Variants in ZNF383 observed in about 807,000 individuals in gnomAD.
The protein encoded by ZNF383 is zinc finger protein 383.
Under a neutral mutation model 44.2 loss-of-function variants are expected in ZNF383, and 32 were observed. The observed-to-expected ratio is 0.72, with a 90% CI of 0.55 to 0.97. ZNF383 has a LOEUF of 0.97. Ranked by LOEUF, ZNF383 falls within the 50% of genes least tolerant of loss-of-function variation. The probability of loss-of-function intolerance (pLI) is 0.00; values close to 1 mark genes in which losing one functional copy is unlikely to be tolerated. For synonymous variants in ZNF383, 155 were observed against 186.2 expected (o/e 0.83, Z 1.36); for missense variants, 487 against 562.5 (o/e 0.87, Z 1.36).
At position 37,220,559 on chromosome 19, in the gene ZNF383, G is replaced by GT. The variant is rs201474411; in HGVS notation, c.-168+2296dup. Among the ~76,000 whole-genome samples, 358 of 112,978 alleles carry GT rather than the reference G, an allele frequency of 3.2e-3. 2 individuals carry two copies. The highest frequency in any genetic ancestry group is 0.013 in the Middle Eastern group (3 of 236). The allele number at this position is 112,978 out of a possible 152,430, so 74.1% of individuals were successfully genotyped here. A position where few individuals can be genotyped will look rare whatever the true frequency, so the allele number is the denominator to read the frequency against. Reference sequence around the variant, plus strand: ...GAGCCACTGCTCCTGGCCTATATTTGTTTTTTTTTTTGTTGTTGTTTAATC... The same window carrying GT: ...GAGCCACTGCTCCTGGCCTATATTTGTTTTTTTTTTTTGTTGTTGTTTAATC... On this transcript the variant is annotated intron_variant, in intron 1 of 5. Coordinates refer to ENST00000684119, the MANE Select transcript of ZNF383 (RefSeq NM_001387601.1).
chr19:37,228,882 G>A (rs577923282), intron 2 of ZNF383, among the ~76,000 whole-genome samples: 91 of 151,736 alleles, frequency 6.0e-4, no homozygotes, highest in Non-Finnish European at 1.1e-3. Flanking sequence ...TATTTTATTC[G>A]CCCACCTTTT....
At chr19:37,218,967 G>A (rs1972795461) in intron 1 of ZNF383, among the ~76,000 whole-genome samples, 1 of 152,088 alleles carries the variant, frequency 6.6e-6, no homozygotes, top group Admixed American at 6.6e-5. Context: ...GGTTCTGAAT[G>A]GTGCTATGTT....
At chr19:37,230,569 C>T (rs1801076756) in intron 3 of ZNF383, 107 bp downstream of exon 3, 2 of 1,214,954 alleles carry the variant, frequency 1.6e-6, no homozygotes, top group South Asian at 1.3e-5. Context: ...CAGAGTTCCC[C>T]TTCAGAATCC....
chr19:37,247,839 A>G lies in ZNF383; in HGVS notation c.*4175A>G, dbSNP rs564975787. On this transcript the variant is annotated 3_prime_UTR_variant, in exon 6 of 6. Transcript: ENST00000684119. ...ACCTCCCTCCAGAATAAACTTATTT[A>G]AAAAAATAAGACTGGCCAGGCATGG... 2 of 152,296 alleles carry G rather than the reference A, an allele frequency of 1.3e-5. No individual in the cohort carries two copies. Among genetic ancestry groups the G allele is most frequent in the East Asian group, 3.9e-4 (2 of 5,190 alleles). 9.4% of individuals were successfully genotyped at this position (152,296 alleles called of 1,614,324 possible).
Position 37,245,160 on chromosome 19 carries a change from A to G in ZNF383, c.*1496A>G. ...CGTGGTGGCATGTACCTGTAATCCCAGCTACTCGGGAGGCTGAGACAGGAG... is the reference window on the plus strand; with the variant it reads ...CGTGGTGGCATGTACCTGTAATCCCGGCTACTCGGGAGGCTGAGACAGGAG... On this transcript the variant is annotated 3_prime_UTR_variant, in exon 6 of 6. Transcript: ENST00000684119. The G allele has an allele frequency of 6.6e-6, 1 of 152,202 alleles. No homozygotes were observed. Among genetic ancestry groups the G allele is most frequent in the Non-Finnish European group, 1.5e-5 (1 of 68,080 alleles). The allele number at this position is 152,202 out of a possible 1,614,324, so 9.4% of individuals were successfully genotyped here.
At chr19:37,231,542 A>G (rs1317050761) in intron 3 of ZNF383, among the ~76,000 whole-genome samples, 2 of 152,212 alleles carry the variant, frequency 1.3e-5, no homozygotes, top group Admixed American at 6.6e-5. Flanking sequence ...ATAACTTTAC[A>G]TATAACTTTA....
chr19:37,244,937 A>G lies in ZNF383; in HGVS notation c.*1273A>G, dbSNP rs1490156161. 1 of 152,236 alleles carries G rather than the reference A, an allele frequency of 6.6e-6. No individual in the cohort carries two copies. Among genetic ancestry groups the G allele is most frequent in the Non-Finnish European group, 1.5e-5 (1 of 68,036 alleles). The allele number at this position is 152,236 out of a possible 1,614,324, so 9.4% of individuals were successfully genotyped here. On this transcript the variant is annotated 3_prime_UTR_variant, in exon 6 of 6. Coordinates refer to ENST00000684119, the MANE Select transcript of ZNF383 (RefSeq NM_001387601.1). ...TATAGATTTTTATTATTTTCATGAC[A>G]TATTTAATGACTTTAAAATGACTAT...
chr19:37,241,086 T>G (rs1413763372), intron 5 of ZNF383, among the ~76,000 whole-genome samples: 1 of 152,152 alleles, frequency 6.6e-6, no homozygotes, highest in Non-Finnish European at 1.5e-5. Flanking sequence ...GGATTACAGG[T>G]GTGAGCCACC....
chr19:37,234,568 T>G (rs1234276219), intron 3 of ZNF383, among the ~76,000 whole-genome samples: 1 of 151,974 alleles, frequency 6.6e-6, no homozygotes, highest in Non-Finnish European at 1.5e-5. Context: ...TTTTTTGTAT[T>G]TTTAGTAGAG....
rs1973754465 is a variant in ZNF383 at position 37,235,665 on chromosome 19, G to A, written c.126G>A (p.Leu42=). 6.2e-7 allele frequency: 1 copy of A among 1,609,100 alleles called. No homozygotes were observed. Among genetic ancestry groups the A allele is most frequent in the Non-Finnish European group, 8.5e-7 (1 of 1,177,564 alleles). Residue 42 remains leucine (L), a synonymous_variant, in exon 4 of 6, where the codon CTG becomes CTA. Transcript: ENST00000684119. Reference sequence around the variant, plus strand: ...TGATGTTGGAGAACTACGGCAATCTGGTTTCAATGGGTAAGGGCATCTGTA... The same window carrying A: ...TGATGTTGGAGAACTACGGCAATCTAGTTTCAATGGGTAAGGGCATCTGTA... ...RDVMLENYGN[L]VSMGLYTPKP...
intron 3 of ZNF383, among the ~76,000 whole-genome samples, 187 bp downstream of exon 3, chr19:37,230,649 A>G (rs1220610018): frequency 6.6e-6 from 1 of 152,220 alleles, no homozygotes; most frequent in Non-Finnish European, 1.5e-5. Context: ...TTTATAAATC[A>G]ACCAGCATTA....
chr19:37,241,979 G>A (rs1237626363), intron 5 of ZNF383, among the ~76,000 whole-genome samples: 3 of 119,200 alleles, frequency 2.5e-5, no homozygotes, highest in Non-Finnish European at 3.5e-5. Context: ...TATATAGTAT[G>A]TCTATATATA....
chr19:37,236,954 A>AACACACACACACACACACACAC (rs35036376), intron 5 of ZNF383, among the ~76,000 whole-genome samples: 1 of 146,758 alleles, frequency 6.8e-6, no homozygotes, highest in South Asian at 2.2e-4. Context: ...CACACATGTG[A>AACACACACACACACACACACAC]ACACACACAC....
Position 37,248,547 on chromosome 19 carries a change from T to C in ZNF383, c.*4883T>C, listed in dbSNP as rs552111209. 1.4e-4 allele frequency: 22 copies of C among 152,200 alleles called. No individual in the cohort carries two copies. Among genetic ancestry groups the C allele is most frequent in the Non-Finnish European group, 7.4e-5 (5 of 68,026 alleles). The allele number at this position is 152,200 out of a possible 1,614,324, so 9.4% of individuals were successfully genotyped here. ...TTAGTGTCTGAACTCAGGAACCAAA[T>C]AGATGTGGATAGCATGGGATTTTTG... On this transcript the variant is annotated 3_prime_UTR_variant, in exon 6 of 6. Coordinates refer to ENST00000684119, the MANE Select transcript of ZNF383 (RefSeq NM_001387601.1).
intron 5 of ZNF383, 48 bp downstream of exon 5, chr19:37,236,122 T>A: frequency 6.8e-7 from 1 of 1,475,250 alleles, no homozygotes; most frequent in Non-Finnish European, 9.3e-7. Flanking sequence ...AGGTCAGAAC[T>A]CAGCTGGTCA....
intron 1 of ZNF383, among the ~76,000 whole-genome samples, chr19:37,220,772 G>A (rs945333371): frequency 3.3e-5 from 5 of 151,774 alleles, no homozygotes; most frequent in African/African-American, 4.8e-5. Context: ...TTTGATAATC[G>A]TTATTTTCTT....
At chr19:37,230,534 T>A (rs1973438838) in intron 3 of ZNF383, 72 bp downstream of exon 3, 2 of 1,547,336 alleles carry the variant, frequency 1.3e-6, no homozygotes, top group Admixed American at 3.5e-5. Context: ...GCATTTGCTT[T>A]CCTTATCCTG....
intron 2 of ZNF383, chr19:37,227,760 C>CA (rs1170483992): frequency 6.6e-6 from 1 of 152,380 alleles, no homozygotes; most frequent in African/African-American, 2.4e-5. Flanking sequence ...TCGCGTGAGT[C>CA]ACGTGTCCAC....
At chr19:37,237,076 T>C (rs1973851138) in intron 5 of ZNF383, among the ~76,000 whole-genome samples, 1 of 152,152 alleles carries the variant, frequency 6.6e-6, no homozygotes, top group Non-Finnish European at 1.5e-5. Context: ...TATCAGACTG[T>C]CTTCAATGTT....
Sources: allele counts gnomAD v4.1 joint callset (sites outside exome capture counted in the v4.1 genomes callset), GRCh38; gene constraint gnomAD v4.1.1; transcripts MANE v1.5; gene names NCBI Gene and HGNC (gene_info 2026-07-23, HGNC 2026-07-21).